Variants in PHYHIPL observed in about 807,000 individuals in gnomAD.
PHYHIPL encodes the protein phytanoyl-CoA hydroxylase-interacting protein-like.
Under a neutral mutation model 33.4 loss-of-function variants are expected in PHYHIPL, and 9 were observed. That is an observed-to-expected ratio of 0.27 (90% CI 0.16 to 0.47). The LOEUF is 0.47. PHYHIPL is among the 20% of genes least tolerant of loss of function. The probability of loss-of-function intolerance (pLI) is 0.99; values close to 1 mark genes in which losing one functional copy is unlikely to be tolerated. For missense variants in PHYHIPL, 365 were observed against 460.7 expected (o/e 0.79, Z 1.90); for synonymous variants, 153 against 154.1 (o/e 0.99, Z 0.05).
At chr10:59,242,219 CAAGTACTAATG>C (rs1840424950) in intron 4 of PHYHIPL, among the ~76,000 whole-genome samples, 2 of 152,100 alleles carry the variant, frequency 1.3e-5, no homozygotes, top group Admixed American at 6.5e-5. Context: ...AGCCACATGT[CAAGTACTAATG>C]AGACACCCCT....
chr10:59,193,847 T>C (rs1200863139), intron 1 of PHYHIPL, among the ~76,000 whole-genome samples: 1 of 152,056 alleles, frequency 6.6e-6, no homozygotes, highest in Non-Finnish European at 1.5e-5. Context: ...TTATTTTTGG[T>C]GATTAAAAAA....
At chr10:59,236,332 T>C (rs1840228400) in intron 2 of PHYHIPL, 151 bp from the exon 3 acceptor site, 2 of 479,330 alleles carry the variant, frequency 4.2e-6, no homozygotes, top group Non-Finnish European at 7.3e-6. Flanking sequence ...TTCCTCCTTT[T>C]CCCTCCTTCC....
At chr10:59,194,879 G>C (rs1838868470) in intron 1 of PHYHIPL, among the ~76,000 whole-genome samples, 1 of 152,162 alleles carries the variant, frequency 6.6e-6, no homozygotes, top group Non-Finnish European at 1.5e-5. Context: ...TTAATAGCAT[G>C]CTAGACAGCT....
intron 1 of PHYHIPL, among the ~76,000 whole-genome samples, chr10:59,211,738 C>T (rs2133240127): frequency 7.0e-6 from 1 of 142,138 alleles, no homozygotes; most frequent in South Asian, 2.4e-4. Flanking sequence ...ATAAATTTAG[C>T]TGCCTTACAG....
At chr10:59,209,054 T>G (rs1444041845) in intron 1 of PHYHIPL, among the ~76,000 whole-genome samples, 1 of 151,846 alleles carries the variant, frequency 6.6e-6, no homozygotes, top group Non-Finnish European at 1.5e-5. Context: ...CAGGCCAATA[T>G]TCAAATTCAG....
intron 1 of PHYHIPL, among the ~76,000 whole-genome samples, chr10:59,207,690 G>C (rs1313109544): frequency 1.3e-5 from 2 of 152,166 alleles, no homozygotes; most frequent in Non-Finnish European, 2.9e-5. Flanking sequence ...AGCAGATCGA[G>C]ACCATCCTGG....
chr10:59,246,442 C>G lies in PHYHIPL; in HGVS notation c.*851C>G. 1 of 371,900 alleles carries G rather than the reference C, an allele frequency of 2.7e-6. No homozygotes were observed. The highest frequency in any genetic ancestry group is 4.8e-6 in the Non-Finnish European group (1 of 209,156). 23.0% of individuals were successfully genotyped at this position (371,900 alleles called of 1,614,324 possible). On this transcript the variant is annotated 3_prime_UTR_variant, in exon 5 of 5. Transcript: ENST00000373880. ...ATAGTCAATAGTCTTCCCATCCAAA[C>G]TATAAGAGAATGTGAATTTCTTCAA...
Position 59,184,632 on chromosome 10 carries a change from T to A in PHYHIPL, c.106+7673T>A, listed in dbSNP as rs984505817. On this transcript the variant is annotated intron_variant, in intron 1 of 4. Coordinates refer to ENST00000373880, the MANE Select transcript of PHYHIPL (RefSeq NM_032439.4). ...AGTGACGGAAACAGGCCCTAGTTTT[T>A]TTTTTTTAATTTTTTTTATTGTATT... Among the ~76,000 whole-genome samples, 67 of 152,054 alleles carry A rather than the reference T, an allele frequency of 4.4e-4. 1 individual carries two copies. The highest frequency in any genetic ancestry group is 4.6e-4 in the Non-Finnish European group (31 of 67,964).
chr10:59,204,502 A>G (rs1839231188), intron 1 of PHYHIPL, among the ~76,000 whole-genome samples: 1 of 152,198 alleles, frequency 6.6e-6, no homozygotes, highest in South Asian at 2.1e-4. Flanking sequence ...AAGAAAGAGG[A>G]GGAGAATTTC....
intron 1 of PHYHIPL, among the ~76,000 whole-genome samples, chr10:59,233,276 T>C (rs1840130502): frequency 6.6e-6 from 1 of 151,842 alleles, no homozygotes; most frequent in Non-Finnish European, 1.5e-5. Flanking sequence ...CATGGAAATG[T>C]AGGGGAGGAG....
At chr10:59,224,459 A>ACAAAACAAAACAAAACAAAG (rs1839863746) in intron 1 of PHYHIPL, among the ~76,000 whole-genome samples, 1 of 134,690 alleles carries the variant, frequency 7.4e-6, no homozygotes, top group Non-Finnish European at 1.5e-5. Flanking sequence ...TCTCAAGGAA[A>ACAAAACAAAACAAAACAAAG]CAAAACAAAA....
intron 1 of PHYHIPL, among the ~76,000 whole-genome samples, chr10:59,188,234 A>G (rs1838673635): frequency 6.6e-6 from 1 of 152,190 alleles, no homozygotes; most frequent in Non-Finnish European, 1.5e-5. Context: ...CCCGGTAGTC[A>G]TTCAGGAACA....
At chr10:59,224,768 C>A (rs1839882210) in intron 1 of PHYHIPL, among the ~76,000 whole-genome samples, 2 of 151,944 alleles carry the variant, frequency 1.3e-5, no homozygotes, top group African/African-American at 2.4e-5. Flanking sequence ...ATATGGTTTT[C>A]TTTTTGCTCT....
intron 4 of PHYHIPL, among the ~76,000 whole-genome samples, chr10:59,242,200 A>G (rs112056974): frequency 5.9e-5 from 9 of 152,298 alleles, no homozygotes; most frequent in African/African-American, 2.2e-4. Flanking sequence ...TTGCCCTCAT[A>G]GTGTGTGAAG....
chr10:59,215,835 G>GAA (rs55657842), intron 1 of PHYHIPL, among the ~76,000 whole-genome samples: 2 of 148,602 alleles, frequency 1.3e-5, no homozygotes, highest in African/African-American at 4.9e-5. Flanking sequence ...AGCCTTCATA[G>GAA]AAAAAAAAAA....
At position 59,247,469 on chromosome 10, in the gene PHYHIPL, C is replaced by A. The variant is rs1840814400; in HGVS notation, c.*1878C>A. 4.3e-6 allele frequency: 4 copies of A among 937,482 alleles called. No homozygotes were observed. The South Asian group carries it at 5.9e-5, about 14-fold the overall frequency. The allele number at this position is 937,482 out of a possible 1,614,324, so 58.1% of individuals were successfully genotyped here. A position where few individuals can be genotyped will look rare whatever the true frequency, so the allele number is the denominator to read the frequency against. On this transcript the variant is annotated 3_prime_UTR_variant, in exon 5 of 5. Transcript: ENST00000373880. The stretch of plus-strand genomic sequence containing the variant: ...TCCCTTCTCCTTGTATATAATTAAA[C>A]TTGCTATTCCTTCTTAAAAACAGCT...
At chr10:59,175,883 T>A (rs1838239644), upstream of PHYHIPL, among the ~76,000 whole-genome samples, 1 of 152,220 alleles carries the variant, frequency 6.6e-6, no homozygotes. Flanking sequence ...TGAATGAAGC[T>A]ACGCTGCGAA....
chr10:59,203,450 T>G (rs62092605), intron 1 of PHYHIPL, among the ~76,000 whole-genome samples: 5 of 151,968 alleles, frequency 3.3e-5, no homozygotes, highest in African/African-American at 9.7e-5. Context: ...TCATGCTACT[T>G]TAAAGACACA....
chr10:59,238,816 C>A, intron 4 of PHYHIPL, 111 bp downstream of exon 4: 2 of 590,104 alleles, frequency 3.4e-6, no homozygotes, highest in Non-Finnish European at 5.8e-6. Context: ...GATTTCTTTT[C>A]AAAATAACGA....
Sources: allele counts gnomAD v4.1 joint callset (sites outside exome capture counted in the v4.1 genomes callset), GRCh38; gene constraint gnomAD v4.1.1; transcripts MANE v1.5; gene names NCBI Gene and HGNC (gene_info 2026-07-23, HGNC 2026-07-21).